The following PRSS36 variants were observed in gnomAD, a reference collection of about 807,000 sequenced individuals.
PRSS36 encodes serine protease 36, also known as polyserase-2.
In PRSS36, 90 loss-of-function variants were observed where a neutral mutation model predicts 94.3. The observed-to-expected ratio is 0.95, with a 90% CI of 0.80 to 1.14. PRSS36 has a LOEUF of 1.14. Among genes scored for constraint, PRSS36 ranks in the 50% most tolerant of loss-of-function variants. The probability of loss-of-function intolerance (pLI) is 0.00; values close to 1 mark genes in which losing one functional copy is unlikely to be tolerated. For synonymous variants in PRSS36, 500 were observed against 489.6 expected, an observed-to-expected ratio of 1.02 and a Z score of -0.28; for missense variants, 1,158 against 1,135.0, an observed-to-expected ratio of 1.02 and a Z score of -0.29.
At position 31,143,709 on chromosome 16, in the gene PRSS36, C is replaced by T; in HGVS notation, c.849G>A (p.Glu283=). The stretch of plus-strand genomic sequence containing the variant: ...CCATCACCTGCTCCCGTATCCATGC[C>T]TCATAGGTAGCCACAGCAGTGAAAA... ...PGVFTAVATY[E]AWIREQVMGS... The change falls in exon 7 of 15, where the codon GAG becomes GAA. Residue 283 remains glutamate (E), a synonymous_variant. Coordinates refer to ENST00000268281, the MANE Select transcript of PRSS36 (RefSeq NM_173502.5). 6.2e-7 allele frequency: 1 copy of T among 1,614,160 alleles called. No homozygotes were observed. The highest frequency in any genetic ancestry group is 1.1e-5 in the South Asian group (1 of 91,088).
In PRSS36 at chr16:31,140,397, A is replaced by C. The variant is rs1169099909; in HGVS notation, c.2186T>G (p.Val729Gly). ...PQDRVPVAAA[V>G]SILTQRICDC... ...ACAGATTCGTTGTGTCAAGATGGAG[A>C]CAGCAGCAGCCACAGGGACTGGGGA... Residue 729 changes from valine (V) to glycine (G), a missense_variant, in exon 14 of 15, where the codon GTC (valine) becomes GGC (glycine). By Grantham distance (109) the Val-to-Gly change is moderately radical. Transcript: ENST00000268281. The C allele has an allele frequency of 6.2e-7, 1 of 1,613,830 alleles. No individual in the cohort carries two copies.
chr16:31,140,880 A>G, intron 12 of PRSS36, 123 bp from the exon 13 acceptor site: 1 of 1,060,526 alleles, frequency 9.4e-7, no homozygotes, highest in East Asian at 2.5e-5. Flanking sequence ...CCCTCCTTCC[A>G]AATCTCCCTT....
In PRSS36 at chr16:31,142,570, G is replaced by T. The variant is rs2144027955; in HGVS notation, c.1432C>A (p.Arg478Ser). 3 of 1,525,320 alleles carry T rather than the reference G, an allele frequency of 2.0e-6. No individual in the cohort carries two copies. The highest frequency in any genetic ancestry group is 2.6e-6 in the Non-Finnish European group (3 of 1,140,510). The allele number at this position is 1,525,320 out of a possible 1,614,324, so 94.5% of individuals were successfully genotyped here. A position where few individuals can be genotyped will look rare whatever the true frequency, so the allele number is the denominator to read the frequency against. Residue 478 changes from arginine (R) to serine (S), a missense_variant, in exon 10 of 15, where the codon CGC becomes AGC. Physicochemically the swap from Arg to Ser is moderately radical, Grantham distance 110. Coordinates refer to ENST00000268281, the MANE Select transcript of PRSS36 (RefSeq NM_173502.5). Reference sequence around the variant, plus strand: ...GGCAGCGGTACTGCCGCCCCCTGGCGGCCGTACAGGCAGTGGCACCACCAG... The same window carrying T: ...GGCAGCGGTACTGCCGCCCCCTGGCTGCCGTACAGGCAGTGGCACCACCAG... ...GGWWCHCLYG[R>S]QGAAVPLPGD... is the part of the protein sequence containing the mutation.
At chr16:31,144,747 G>A (rs2057771334) in intron 6 of PRSS36, among the ~76,000 whole-genome samples, 2 of 151,984 alleles carry the variant, frequency 1.3e-5, no homozygotes, top group South Asian at 2.1e-4. Context: ...CCAAGATCGT[G>A]CCATTGCACT....
rs1456800491 is a variant in PRSS36, at chr16:31,139,185, G to A, written c.2521C>T (p.His841Tyr). 3 of 1,604,406 alleles carry A rather than the reference G, an allele frequency of 1.9e-6. No individual in the cohort carries two copies. The highest frequency in any genetic ancestry group is 1.1e-5 in the South Asian group (1 of 90,214). Residue 841 changes from histidine to tyrosine, a missense_variant, in exon 15 of 15, where the codon CAT becomes TAT. Coordinates refer to ENST00000268281, the MANE Select transcript of PRSS36 (RefSeq NM_173502.5). ...AGCAGGAGCAGGAAGTAGACTGCAT[G>A]CGGGGATCCCGAGGCCTTGGCCAGT... ...PELAKASGSPHAVYFLLLLTL... is the reference protein window; with the variant it reads ...PELAKASGSPYAVYFLLLLTL...
Position 31,143,764 on chromosome 16 carries a change from A to G in PRSS36, c.794T>C (p.Phe265Ser), listed in dbSNP as rs1285533206. ...AGGGCGGTTTCTCCGTCCACAGCCA[A>G]AGCCAAAGCTGGTGATTCCTGCCTG... ...WFQAGITSFG[F>S]GCGRRNRPGV... Residue 265 changes from phenylalanine to serine, a missense_variant, in exon 7 of 15, where the codon TTT becomes TCT. By Grantham distance (155) the Phe-to-Ser change is radical. Coordinates refer to ENST00000268281, the MANE Select transcript of PRSS36 (RefSeq NM_173502.5). 1 of 1,614,064 alleles carries G rather than the reference A, an allele frequency of 6.2e-7. No homozygotes were observed. Among genetic ancestry groups the G allele is most frequent in the Non-Finnish European group, 8.5e-7 (1 of 1,180,010 alleles).
rs904475692 is a variant in PRSS36, at chr16:31,139,350, C to T, written c.2356G>A (p.Val786Ile). ...EGSWILVGMAVQGSRELFAAI... is the reference protein window; with the variant it reads ...EGSWILVGMAIQGSRELFAAI... ...GCAAACAGCTCCCGGCTCCCTTGAA[C>T]AGCCATGCCCACGAGGATCCAGGAC... Residue 786 changes from valine to isoleucine, a missense_variant, in exon 15 of 15, where the codon GTT becomes ATT. Physicochemically the swap from Val to Ile is conservative, Grantham distance 29. Transcript: ENST00000268281. The T allele has an allele frequency of 2.5e-6, 4 of 1,614,166 alleles. No homozygotes were observed. The highest frequency in any genetic ancestry group is 3.4e-6 in the Non-Finnish European group (4 of 1,180,014).
chr16:31,143,825 C>G lies in PRSS36; in HGVS notation c.733G>C (p.Gly245Arg). The part of the protein sequence containing the change: ...RRDTCQGDSG[G>R]PLVCEEGGRW... Reference sequence around the variant, plus strand: ...CCGCCTTCCTCACAGACCAGGGGCCCCCCAGAGTCACCCTAGTGGCAGATG... The same window carrying G: ...CCGCCTTCCTCACAGACCAGGGGCCGCCCAGAGTCACCCTAGTGGCAGATG... The change falls in exon 7 of 15, where the codon GGG (glycine) becomes CGG (arginine). Residue 245 changes from glycine to arginine, a missense_variant. Physicochemically the swap from Gly to Arg is moderately radical, Grantham distance 125. Transcript: ENST00000268281. The G allele has an allele frequency of 5.0e-6, 8 of 1,613,514 alleles. No individual in the cohort carries two copies. The highest frequency in any genetic ancestry group is 6.8e-6 in the Non-Finnish European group (8 of 1,180,016).
chr16:31,143,218 C>T, intron 8 of PRSS36, 124 bp downstream of exon 8: 2 of 1,447,612 alleles, frequency 1.4e-6, no homozygotes, highest in South Asian at 1.4e-5. Flanking sequence ...TGTGCTGGAT[C>T]CTACACCTCC....
At chr16:31,149,345 G>A in intron 3 of PRSS36, 110 bp from the exon 4 acceptor site, 1 of 1,529,518 alleles carries the variant, frequency 6.5e-7, no homozygotes, top group South Asian at 1.2e-5. Context: ...TTGCCCCTCT[G>A]AACAAAGAAC....
chr16:31,148,494 C>G lies in PRSS36; in HGVS notation c.454G>C (p.Gly152Arg). The G allele has an allele frequency of 6.3e-7, 1 of 1,579,944 alleles. No individual in the cohort carries two copies. Among genetic ancestry groups the G allele is most frequent in the South Asian group, 1.1e-5 (1 of 88,908 alleles). The change falls in exon 5 of 15, where the codon GGC (glycine) becomes CGC (arginine). Residue 152 changes from glycine (G) to arginine (R), a missense_variant. Coordinates refer to ENST00000268281, the MANE Select transcript of PRSS36 (RefSeq NM_173502.5). ...LLRLASPASL[G>R]PAVWPVCLPR... ...AGGCAGACAGGCCACACGGCGGGGC[C>G]CAGGCTGGCGGGTGAGGCCAGGCGC...
Position 31,149,174 on chromosome 16 carries a change from G to A in PRSS36, c.171C>T (p.Thr57=). 6.4e-7 allele frequency: 1 copy of A among 1,574,102 alleles called. No homozygotes were observed. The highest frequency in any genetic ancestry group is 8.6e-7 in the Non-Finnish European group (1 of 1,160,760). Residue 57 remains threonine, a synonymous_variant, in exon 4 of 15, where the codon ACC becomes ACT. Transcript: ENST00000268281. ...IVGGSNAQPG[T]WPWQVSLHHG... ...GGTGCAGGCTCACTTGCCAAGGCCA[G>A]GTGCCCGGCTGCGCGTTTGAGCCCC...
At chr16:31,142,406 G>A in intron 10 of PRSS36, 75 bp downstream of exon 10, 1 of 1,370,626 alleles carries the variant, frequency 7.3e-7, no homozygotes, top group Non-Finnish European at 9.5e-7. Flanking sequence ...ACTTGGACTC[G>A]CCTTCCACAG....
chr16:31,139,329 A>G lies in PRSS36; in HGVS notation c.2377T>C (p.Phe793Leu). 1.2e-6 allele frequency: 2 copies of G among 1,614,126 alleles called. No individual in the cohort carries two copies. Among genetic ancestry groups the G allele is most frequent in the Non-Finnish European group, 1.7e-6 (2 of 1,180,012 alleles). The stretch of plus-strand genomic sequence containing the variant: ...GCCTCTTCAGGACCAATGGCAGCAA[A>G]CAGCTCCCGGCTCCCTTGAACAGCC... The part of the protein sequence containing the change: ...GMAVQGSREL[F>L]AAIGPEEAWI... Residue 793 changes from phenylalanine to leucine, a missense_variant, in exon 15 of 15, where the codon TTT becomes CTT. Transcript: ENST00000268281.
At chr16:31,148,946 T>C in intron 4 of PRSS36, 127 bp downstream of exon 4, 1 of 1,163,438 alleles carries the variant, frequency 8.6e-7, no homozygotes, top group Non-Finnish European at 1.2e-6. Context: ...GAATAGCACC[T>C]CGCTTTGGGG....
In PRSS36 at chr16:31,139,020, C is replaced by G; in HGVS notation, c.*118G>C. On this transcript the variant is annotated 3_prime_UTR_variant, in exon 15 of 15. Coordinates refer to ENST00000268281, the MANE Select transcript of PRSS36 (RefSeq NM_173502.5). ...GCACTGAGGCCCAATTAGCCAGAGC[C>G]GCTGCAATCTCGGTGGGTGGGGCCC... 3 of 1,226,334 alleles carry G rather than the reference C, an allele frequency of 2.4e-6. No individual in the cohort carries two copies. In the South Asian group the frequency reaches 4.6e-5, roughly 19 times the overall value. The allele number at this position is 1,226,334 out of a possible 1,614,324, so 76.0% of individuals were successfully genotyped here. A position where few individuals can be genotyped will look rare whatever the true frequency, so the allele number is the denominator to read the frequency against.
At chr16:31,149,554 C>G (rs1264997191) in intron 2 of PRSS36, 56 bp from the exon 3 acceptor site, 1 of 1,610,178 alleles carries the variant, frequency 6.2e-7, no homozygotes, top group African/African-American at 1.3e-5. Flanking sequence ...GCCTGCACCG[C>G]CCAGCCCCAC....
intron 2 of PRSS36, 27 bp from the exon 3 acceptor site, chr16:31,149,525 G>T: frequency 1.9e-6 from 3 of 1,613,718 alleles, no homozygotes; most frequent in Non-Finnish European, 2.5e-6. Context: ...AAAGAGAGGA[G>T]GACACTTGTG....
chr16:31,146,825 C>G (rs1193362808), intron 5 of PRSS36, among the ~76,000 whole-genome samples: 2 of 151,956 alleles, frequency 1.3e-5, no homozygotes, highest in African/African-American at 2.4e-5. Flanking sequence ...ACTAAAAATA[C>G]AAAAAATTAG....
Sources: gnomAD v4.1 joint callset for allele counts (sites outside exome capture counted in the v4.1 genomes callset) on GRCh38, gnomAD v4.1.1 for gene constraint, MANE v1.5 for transcripts, NCBI Gene and HGNC (gene_info 2026-07-23, HGNC 2026-07-21) for gene names.